The following OR51E2 variants were observed in gnomAD, a reference collection of about 807,000 sequenced individuals.
The protein encoded by OR51E2 is olfactory receptor 51E2.
Under a neutral mutation model 13.7 loss-of-function variants are expected in OR51E2, and 14 were observed. That is an observed-to-expected ratio of 1.02 (90% CI 0.68 to 1.60). The LOEUF (loss-of-function observed/expected upper bound fraction) is 1.60. Ranked by LOEUF, OR51E2 falls within the 40% of genes most tolerant of loss-of-function variation. The probability of loss-of-function intolerance (pLI) is 0.00; values close to 1 mark genes in which losing one functional copy is unlikely to be tolerated. For synonymous variants in OR51E2, 180 were observed against 157.6 expected (o/e 1.14, Z -1.07); for missense variants, 483 against 413.8 (o/e 1.17, Z -1.45).
Position 4,681,960 on chromosome 11 carries a change from T to C in OR51E2, c.752A>G (p.Tyr251Cys), listed in dbSNP as rs1336135339. ...VSHIGVVLAF[Y>C]VPLIGLSVVH... ...CACTGAGAGGCCAATAAGTGGCACA[T>C]AGAAGGCGAGTACCACACCAATGTG... The change falls in exon 2 of 2, where the codon TAT becomes TGT. Residue 251 changes from tyrosine to cysteine, a missense_variant. Physicochemically the swap from Tyr to Cys is radical, Grantham distance 194. Coordinates refer to ENST00000396950, the MANE Select transcript of OR51E2 (RefSeq NM_030774.4). 1.7e-5 allele frequency: 27 copies of C among 1,613,924 alleles called. No homozygotes were observed. Among genetic ancestry groups the C allele is most frequent in the Non-Finnish European group, 2.3e-5 (27 of 1,179,948 alleles).
At chr11:4,694,622 T>C (rs1847634291) in intron 1 of OR51E2, among the ~76,000 whole-genome samples, 1 of 151,788 alleles carries the variant, frequency 6.6e-6, no homozygotes, top group Non-Finnish European at 1.5e-5. Flanking sequence ...CTGAGCTTGC[T>C]GTGTCAAGAG....
At chr11:4,693,617 A>C (rs1049262412) in intron 1 of OR51E2, among the ~76,000 whole-genome samples, 1 of 152,086 alleles carries the variant, frequency 6.6e-6, no homozygotes, top group Non-Finnish European at 1.5e-5. Flanking sequence ...GCTACTGGGG[A>C]GGCTGAGGCA....
intron 1 of OR51E2, chr11:4,690,504 A>G (rs1180385343): frequency 5.1e-6 from 1 of 197,578 alleles, no homozygotes; most frequent in Non-Finnish European, 1.0e-5. Context: ...CAGTGGTGTG[A>G]GAAGGAGAAA....
intron 1 of OR51E2, among the ~76,000 whole-genome samples, chr11:4,695,265 C>G (rs1188858336): frequency 6.6e-6 from 1 of 152,174 alleles, no homozygotes; most frequent in Non-Finnish European, 1.5e-5. Context: ...CATCTCTTCT[C>G]ATTTAATGCC....
intron 1 of OR51E2, among the ~76,000 whole-genome samples, chr11:4,684,414 T>A (rs1430821648): frequency 6.6e-6 from 1 of 151,250 alleles, no homozygotes; most frequent in African/African-American, 2.4e-5. Context: ...TATAGAACTT[T>A]AAACAAATCA....
intron 1 of OR51E2, among the ~76,000 whole-genome samples, chr11:4,684,664 C>T (rs958885335): frequency 2.8e-4 from 42 of 152,124 alleles, no homozygotes; most frequent in African/African-American, 9.7e-4. Flanking sequence ...TTTCTTAAGC[C>T]CTCTCTCTGC....
At position 4,687,810 on chromosome 11, in the gene OR51E2, A is replaced by T. The variant is rs1234366796; in HGVS notation, c.-50-5049T>A. 2.6e-5 allele frequency among the ~76,000 whole-genome samples: 4 copies of T among 152,192 alleles called. No homozygotes were observed. In the East Asian group the frequency reaches 7.7e-4, roughly 29 times the overall value. On this transcript the variant is annotated intron_variant, in intron 1 of 1. Transcript: ENST00000396950. The stretch of plus-strand genomic sequence containing the variant: ...TGTAGGAGCACCTGGAAAGGGCACC[A>T]GGCAGACCAGAGAGGTCAGGAAAAG...
rs185895156 is a variant in OR51E2, at chr11:4,696,263, G to A, written c.-51+1390C>T. On this transcript the variant is annotated intron_variant, in intron 1 of 1. Transcript: ENST00000396950. Reference sequence around the variant, plus strand: ...TGAGACAAATGGAACTCATTCTCTCGTCCCCTCCAAACCTGGCTCTTCCTC... The same window carrying A: ...TGAGACAAATGGAACTCATTCTCTCATCCCCTCCAAACCTGGCTCTTCCTC... 1.5e-4 allele frequency among the ~76,000 whole-genome samples: 23 copies of A among 152,058 alleles called. No homozygotes were observed. In the East Asian group the frequency reaches 2.9e-3, roughly 19 times the overall value.
At chr11:4,693,530 G>A (rs1297977547) in intron 1 of OR51E2, among the ~76,000 whole-genome samples, 1 of 152,164 alleles carries the variant, frequency 6.6e-6, no homozygotes, top group Non-Finnish European at 1.5e-5. Flanking sequence ...GACCATCCTG[G>A]CTAACATGGT....
intron 1 of OR51E2, chr11:4,691,219 C>T (rs1217450471): frequency 6.6e-6 from 3 of 456,798 alleles, no homozygotes; most frequent in South Asian, 3.1e-5. Context: ...AGAAGTGCTA[C>T]CATTGGTGTC....
rs1316177860 is a variant in OR51E2, at chr11:4,681,626, TA to T, written c.*122del. 2 of 1,025,596 alleles carry T rather than the reference TA, an allele frequency of 2.0e-6. No individual in the cohort carries two copies. The highest frequency in any genetic ancestry group is 1.6e-5 in the African/African-American group (1 of 62,362). The allele number at this position is 1,025,596 out of a possible 1,614,324, so 63.5% of individuals were successfully genotyped here. A position where few individuals can be genotyped will look rare whatever the true frequency, so the allele number is the denominator to read the frequency against. ...TCCTTTAGGTAGATGTACCATACTT[TA>T]GTTTACTATTCCAGCCAGAGAAAAG... On this transcript the variant is annotated 3_prime_UTR_variant, in exon 2 of 2. Coordinates refer to ENST00000396950, the MANE Select transcript of OR51E2 (RefSeq NM_030774.4).
chr11:4,689,980 T>A (rs907116297), intron 1 of OR51E2, among the ~76,000 whole-genome samples: 1 of 147,970 alleles, frequency 6.8e-6, no homozygotes, highest in Non-Finnish European at 1.5e-5. Context: ...TTTATAAATA[T>A]AAATATAATT....
intron 1 of OR51E2, chr11:4,690,540 C>A (rs965796542): frequency 7.8e-5 from 17 of 218,458 alleles, no homozygotes; most frequent in Non-Finnish European, 9.3e-6. Flanking sequence ...TAATTTTAGG[C>A]TGTTCATCTC....
At chr11:4,691,175 G>C (rs1383295376) in intron 1 of OR51E2, 1 of 456,644 alleles carries the variant, frequency 2.2e-6, no homozygotes, top group Non-Finnish European at 4.4e-6. Flanking sequence ...AGGAGTGGTG[G>C]AGTACTTGGC....
At position 4,681,897 on chromosome 11, in the gene OR51E2, C is replaced by A; in HGVS notation, c.815G>T (p.Arg272Leu). Residue 272 changes from arginine to leucine, a missense_variant, in exon 2 of 2, where the codon CGT (arginine) becomes CTT (leucine). Coordinates refer to ENST00000396950, the MANE Select transcript of OR51E2 (RefSeq NM_030774.4). ...CAGGTAGATGTCACCCATGACAACACGCACAATGGGATGAAGGCTGTTTCC... is the reference window on the plus strand; with the variant it reads ...CAGGTAGATGTCACCCATGACAACAAGCACAATGGGATGAAGGCTGTTTCC... ...RFGNSLHPIVRVVMGDIYLLL... is the reference protein window; with the variant it reads ...RFGNSLHPIVLVVMGDIYLLL... The A allele has an allele frequency of 1.2e-6, 2 of 1,614,130 alleles. No individual in the cohort carries two copies. The highest frequency in any genetic ancestry group is 1.7e-6 in the Non-Finnish European group (2 of 1,180,028).
In OR51E2 at chr11:4,680,405, G is replaced by A. The variant is rs1423117222; in HGVS notation, c.*1344C>T. 6.6e-6 allele frequency: 1 copy of A among 152,606 alleles called. No individual in the cohort carries two copies. Among genetic ancestry groups the A allele is most frequent in the Non-Finnish European group, 1.5e-5 (1 of 68,044 alleles). 9.5% of individuals were successfully genotyped at this position (152,606 alleles called of 1,614,324 possible). On this transcript the variant is annotated 3_prime_UTR_variant, in exon 2 of 2. Transcript: ENST00000396950. ...ATTCTGCATGTGTTGCCCACAACTA[G>A]GGCAAGGTTATCTCTCATCACAAGT...
chr11:4,680,249 C>G lies in OR51E2; in HGVS notation c.*1500G>C, dbSNP rs1235894794. 1 of 152,076 alleles carries G rather than the reference C, an allele frequency of 6.6e-6. No homozygotes were observed. Among genetic ancestry groups the G allele is most frequent in the Non-Finnish European group, 1.5e-5 (1 of 68,022 alleles). The allele number at this position is 152,076 out of a possible 1,614,324, so 9.4% of individuals were successfully genotyped here. On this transcript the variant is annotated 3_prime_UTR_variant, in exon 2 of 2. Coordinates refer to ENST00000396950, the MANE Select transcript of OR51E2 (RefSeq NM_030774.4). ...TGTGGTGTACATTCAAAATTTTTGA[C>G]AGGTACAGAGCACATTAAAAAATGA...
chr11:4,693,339 C>CT (rs2133252385), intron 1 of OR51E2, among the ~76,000 whole-genome samples: 1 of 152,306 alleles, frequency 6.6e-6, no homozygotes, highest in East Asian at 1.9e-4. Context: ...TTGGAGAAGG[C>CT]TTTCTAGAAA....
intron 1 of OR51E2, among the ~76,000 whole-genome samples, chr11:4,685,407 T>C (rs1457725324): frequency 1.3e-5 from 2 of 152,214 alleles, no homozygotes; most frequent in Admixed American, 6.5e-5. Context: ...TTTCTTCATG[T>C]GCCACTCTGC....
Sources: allele counts gnomAD v4.1 joint callset (sites outside exome capture counted in the v4.1 genomes callset), GRCh38; gene constraint gnomAD v4.1.1; transcripts MANE v1.5; gene names NCBI Gene and HGNC (gene_info 2026-07-23, HGNC 2026-07-21).